The following CTNND2 variants were observed in gnomAD, a reference collection of about 807,000 sequenced individuals.
CTNND2 encodes the protein catenin delta-2.
Under a neutral mutation model 144.4 loss-of-function variants are expected in CTNND2, and 22 were observed. The observed-to-expected ratio is 0.15, with a 90% CI of 0.11 to 0.22. The LOEUF (loss-of-function observed/expected upper bound fraction) is 0.22, where lower values mean the gene tolerates loss of function less well. Among genes scored for constraint, CTNND2 ranks in the 10% least tolerant of loss-of-function variants. The pLI is 1.00. For synonymous variants in CTNND2, 751 were observed against 695.6 expected, an observed-to-expected ratio of 1.08 and a Z score of -1.25; for missense variants, 1,353 against 1,618.8, an observed-to-expected ratio of 0.84 and a Z score of 2.82.
chr5:11,839,029 T>C lies in CTNND2; in HGVS notation c.37+64788A>G, dbSNP rs533488135. ...ATGATTTATCGAATTCAGGCTAGCA[T>C]GCTTAAATATGAAAATTTTGAGGAG... On this transcript the variant is annotated intron_variant, in intron 1 of 21. Transcript: ENST00000304623. Among the ~76,000 whole-genome samples, 21 of 152,294 alleles carry C rather than the reference T, an allele frequency of 1.4e-4. 1 individual carries two copies. Among genetic ancestry groups the C allele is most frequent in the Middle Eastern group, 6.8e-3 (2 of 294 alleles).
chr5:11,903,947 G>C lies in CTNND2; in HGVS notation c.-94C>G. On this transcript the variant is annotated 5_prime_UTR_variant, in exon 1 of 22. Coordinates refer to ENST00000304623, the MANE Select transcript of CTNND2 (RefSeq NM_001332.4). This position sits in a 1 kb window ranked among gnomAD's most constrained non-coding sequence, Gnocchi z 5.4. ...AAGGTCCTGACCTTGCCCAACTGCAGCATCTTCCGCTTTTGTTGTCTGAGC... is the reference window on the plus strand; with the variant it reads ...AAGGTCCTGACCTTGCCCAACTGCACCATCTTCCGCTTTTGTTGTCTGAGC... The C allele has an allele frequency of 7.8e-7, 1 of 1,278,460 alleles. No individual in the cohort carries two copies. Among genetic ancestry groups the C allele is most frequent in the South Asian group, 2.2e-5 (1 of 45,300 alleles). 79.2% of individuals were successfully genotyped at this position (1,278,460 alleles called of 1,614,324 possible).
intron 11 of CTNND2, among the ~76,000 whole-genome samples, chr5:11,188,267 T>C (rs1405770134): frequency 1.3e-5 from 2 of 152,204 alleles, no homozygotes; most frequent in Non-Finnish European, 2.9e-5. Flanking sequence ...TAGAATACTA[T>C]ACAGCCATAA....
chr5:11,472,163 C>T (rs1185507325), intron 3 of CTNND2, among the ~76,000 whole-genome samples: 1 of 152,042 alleles, frequency 6.6e-6, no homozygotes, highest in Non-Finnish European at 1.5e-5. Context: ...TGGGGGGGAT[C>T]CTCACTTAAT....
intron 8 of CTNND2, 67 bp downstream of exon 8, chr5:11,364,629 T>G: frequency 7.5e-7 from 1 of 1,324,508 alleles, no homozygotes; most frequent in South Asian, 1.5e-5. Context: ...TTGGGAGTGT[T>G]ATTGAAGCTC....
chr5:11,747,451 A>T (rs893614352), intron 1 of CTNND2, among the ~76,000 whole-genome samples: 4 of 152,158 alleles, frequency 2.6e-5, no homozygotes, highest in Admixed American at 2.6e-4. Context: ...TACAGTGTTC[A>T]CCACACACAG....
At chr5:11,422,294 G>C (rs1014687625) in intron 3 of CTNND2, among the ~76,000 whole-genome samples, 1 of 152,092 alleles carries the variant, frequency 6.6e-6, no homozygotes, top group Non-Finnish European at 1.5e-5. Flanking sequence ...CTTTAAAACC[G>C]TAAGTTTTTA....
intron 2 of CTNND2, among the ~76,000 whole-genome samples, chr5:11,606,321 G>A (rs928621684): frequency 6.6e-6 from 1 of 152,158 alleles, no homozygotes; most frequent in African/African-American, 2.4e-5. Flanking sequence ...GACTTCTGAG[G>A]CAGTGAGATA....
chr5:11,006,401 T>G (rs1460223398), intron 18 of CTNND2, among the ~76,000 whole-genome samples: 1 of 152,204 alleles, frequency 6.6e-6, no homozygotes, highest in African/African-American at 2.4e-5. Context: ...TTGCCAGGTA[T>G]AGCTGCGGCC....
intron 2 of CTNND2, among the ~76,000 whole-genome samples, chr5:11,609,273 T>C (rs1780205100): frequency 6.6e-6 from 1 of 152,240 alleles, no homozygotes; most frequent in African/African-American, 2.4e-5. Context: ...GTAAGTCATG[T>C]GGTTTAAGAA....
chr5:11,097,927 AG>A (rs1751513668), intron 15 of CTNND2, among the ~76,000 whole-genome samples: 1 of 152,222 alleles, frequency 6.6e-6, no homozygotes, highest in Non-Finnish European at 1.5e-5. Context: ...GACCAGACTC[AG>A]GAATGAATTA....
At chr5:11,012,677 T>A (rs1220356774) in intron 18 of CTNND2, among the ~76,000 whole-genome samples, 1 of 152,176 alleles carries the variant, frequency 6.6e-6, no homozygotes, top group Admixed American at 6.5e-5. Flanking sequence ...ATGCTGCTGG[T>A]AAGTGGCAGG....
intron 2 of CTNND2, among the ~76,000 whole-genome samples, chr5:11,647,245 A>G (rs1158381223): frequency 2.0e-5 from 3 of 152,188 alleles, no homozygotes; most frequent in East Asian, 3.9e-4. Flanking sequence ...TTTTCTGGTC[A>G]TTGCTAGTCC....
chr5:11,825,048 T>C (rs531643639), intron 1 of CTNND2, among the ~76,000 whole-genome samples: 1 of 152,278 alleles, frequency 6.6e-6, no homozygotes, highest in Non-Finnish European at 1.5e-5. Flanking sequence ...AAGATTCCCA[T>C]TTCCAGAGGC....
chr5:11,740,958 C>T (rs533141861), intron 1 of CTNND2, among the ~76,000 whole-genome samples: 17 of 152,266 alleles, frequency 1.1e-4, no homozygotes, highest in African/African-American at 4.1e-4. Context: ...CCAACAGACA[C>T]ATGAAAAAAT....
At chr5:11,181,897 G>GTTTGTA (rs1735048761) in intron 11 of CTNND2, among the ~76,000 whole-genome samples, 1 of 148,160 alleles carries the variant, frequency 6.7e-6, no homozygotes, top group African/African-American at 2.6e-5. Context: ...GATGTGTGTG[G>GTTTGTA]TGTGTATGTG....
intron 5 of CTNND2, among the ~76,000 whole-genome samples, chr5:11,399,303 C>T (rs1760426511): frequency 6.6e-6 from 1 of 152,176 alleles, no homozygotes; most frequent in African/African-American, 2.4e-5. Flanking sequence ...CGACAGTGCA[C>T]AGACCTTTGG....
chr5:11,289,503 C>T (rs1748095924), intron 9 of CTNND2, among the ~76,000 whole-genome samples: 1 of 152,228 alleles, frequency 6.6e-6, no homozygotes, highest in South Asian at 2.1e-4. Context: ...AGCAACTCCT[C>T]GCCTTCAAAA....
chr5:11,340,385 T>C (rs1210412436), intron 9 of CTNND2, among the ~76,000 whole-genome samples: 1 of 152,152 alleles, frequency 6.6e-6, no homozygotes, highest in African/African-American at 2.4e-5. Flanking sequence ...GGAAAAGCCA[T>C]CTAGAAGATA....
chr5:11,121,075 T>C (rs1242464353), intron 12 of CTNND2, among the ~76,000 whole-genome samples: 3 of 152,222 alleles, frequency 2.0e-5, no homozygotes, highest in African/African-American at 7.2e-5. Context: ...GGTGAAGTCA[T>C]GTCAGCTTAT....
Sources: allele counts gnomAD v4.1 joint callset (sites outside exome capture counted in the v4.1 genomes callset), GRCh38; gene constraint gnomAD v4.1.1; non-coding constraint Gnocchi (gnomAD v3.1); transcripts MANE v1.5; gene names NCBI Gene and HGNC (gene_info 2026-07-23, HGNC 2026-07-21).